Variants in OPRM1 observed in about 807,000 individuals in gnomAD.
The protein encoded by OPRM1 is opioid receptor mu 1.
Under a neutral mutation model 31.8 loss-of-function variants are expected in OPRM1, and 27 were observed. That is an observed-to-expected ratio of 0.85 (90% CI 0.63 to 1.17). OPRM1 has a LOEUF of 1.17. Ranked by LOEUF, OPRM1 falls within the 50% of genes most tolerant of loss-of-function variation. OPRM1 has a pLI of 0.00. For missense variants in OPRM1, 536 were observed against 511.1 expected (o/e 1.05, Z -0.47); for synonymous variants, 196 against 189.9 (o/e 1.03, Z -0.26).
At chr6:154,092,513 G>A (rs17174864) in intron 3 of OPRM1, among the ~76,000 whole-genome samples, 24 of 152,266 alleles carry the variant, frequency 1.6e-4, no homozygotes, top group African/African-American at 4.3e-4. Context: ...AGAGTCAGGC[G>A]TCAGGACTGT....
chr6:154,177,420 C>T (rs1181783826), intron 3 of OPRM1, among the ~76,000 whole-genome samples: 2 of 151,966 alleles, frequency 1.3e-5, no homozygotes, highest in Non-Finnish European at 2.9e-5. Flanking sequence ...AGAATCTACA[C>T]AGAACATAAA....
chr6:154,093,345 G>A (rs200463796), intron 3 of OPRM1: 6 of 1,614,108 alleles, frequency 3.7e-6, no homozygotes, highest in Non-Finnish European at 4.2e-6. Flanking sequence ...ACCACTGCAA[G>A]GACCTCTTGT....
At chr6:154,117,659 GTGACCAGCTACA>G (rs1293188679) in intron 3 of OPRM1, among the ~76,000 whole-genome samples, 2 of 152,156 alleles carry the variant, frequency 1.3e-5, no homozygotes, top group African/African-American at 4.8e-5. Flanking sequence ...AATTGCCTGT[GTGACCAGCTACA>G]GAAATGATCA....
chr6:154,058,585 G>T (rs1465116248), intron 1 of OPRM1, among the ~76,000 whole-genome samples: 1 of 152,086 alleles, frequency 6.6e-6, no homozygotes, highest in African/African-American at 2.4e-5. Context: ...CTTAATCTGG[G>T]CTCATATTCT....
At position 154,124,010 on chromosome 6, in the gene OPRM1, C is replaced by T. The variant is rs545876214; in HGVS notation, c.*5289C>T. Among the ~76,000 whole-genome samples the T allele has an allele frequency of 1.1e-4, 16 of 152,274 alleles. No homozygotes were observed. In the South Asian group the frequency reaches 3.3e-3, roughly 32 times the overall value. On this transcript the variant is annotated 3_prime_UTR_variant, in exon 4 of 4. Transcript: ENST00000330432. ...CAGTAGGTCTCAGCCTTATTTTACC[C>T]AGCCTCTATTCAAGATGGAGTCGCT...
At chr6:154,183,541 C>G (rs576476554) in intron 3 of OPRM1, among the ~76,000 whole-genome samples, 1 of 152,104 alleles carries the variant, frequency 6.6e-6, no homozygotes, top group Admixed American at 6.6e-5. Flanking sequence ...AGGAGAGGTG[C>G]GCTCTATAGA....
rs949750993 is a variant in OPRM1, at chr6:154,119,398, A to G, written c.*677A>G. The G allele has an allele frequency of 1.0e-5, 10 of 985,304 alleles. No individual in the cohort carries two copies. The African/African-American group carries it at 1.7e-4, about 17-fold the overall frequency. 61.0% of individuals were successfully genotyped at this position (985,304 alleles called of 1,614,324 possible). On this transcript the variant is annotated 3_prime_UTR_variant, in exon 4 of 4. Transcript: ENST00000330432. ...GAAAGGTTGATTCTCATGCACTGCAAATACTTCCAAAGAGTCATCATGGGG... is the reference window on the plus strand; with the variant it reads ...GAAAGGTTGATTCTCATGCACTGCAGATACTTCCAAAGAGTCATCATGGGG...
At chr6:154,158,927 T>G (rs1387211586) in intron 3 of OPRM1, 1 of 152,138 alleles carries the variant, frequency 6.6e-6, no homozygotes, top group East Asian at 1.9e-4. Flanking sequence ...TTTTTTTGAG[T>G]AAAGATATTA....
intron 1 of OPRM1, chr6:154,074,487 C>A (rs1418273390): frequency 7.9e-5 from 12 of 152,148 alleles, no homozygotes; most frequent in Non-Finnish European, 1.5e-5. Flanking sequence ...AGGCCAGGCA[C>A]AGTGGCTCAC....
At chr6:154,051,827 G>T (rs545154734) in intron 1 of OPRM1, among the ~76,000 whole-genome samples, 2 of 152,270 alleles carry the variant, frequency 1.3e-5, no homozygotes, top group South Asian at 2.1e-4. Context: ...CCATTACTGG[G>T]TATATACCAG....
rs73790436 is a variant in OPRM1, at chr6:154,124,531, G to A, written c.*5810G>A. ...TAATTCCTAGGAATCGCATACCTAC[G>A]GAAAACAGTCCTCTGACCTCCTGTG... On this transcript the variant is annotated 3_prime_UTR_variant, in exon 4 of 4. Coordinates refer to ENST00000330432, the MANE Select transcript of OPRM1 (RefSeq NM_000914.5). Among the ~76,000 whole-genome samples, 2,284 of 152,216 alleles carry A rather than the reference G, an allele frequency of 0.015. 57 individuals carry two copies. The highest frequency in any genetic ancestry group is 0.053 in the African/African-American group (2,188 of 41,518).
intron 3 of OPRM1, among the ~76,000 whole-genome samples, chr6:154,117,186 G>A (rs2128523371): frequency 6.6e-6 from 1 of 152,332 alleles, no homozygotes; most frequent in East Asian, 1.9e-4. Flanking sequence ...GACCCAGGGA[G>A]TTCACAAATG....
chr6:154,022,836 C>T (rs1778456902), intron 1 of OPRM1, among the ~76,000 whole-genome samples: 1 of 151,834 alleles, frequency 6.6e-6, no homozygotes, highest in African/African-American at 2.4e-5. Context: ...TTCTTGACAC[C>T]TTTGTAAAAA....
At chr6:154,139,335 T>C (rs993910739) in intron 3 of OPRM1, among the ~76,000 whole-genome samples, 1 of 152,110 alleles carries the variant, frequency 6.6e-6, no homozygotes, top group Admixed American at 6.5e-5. Context: ...GTACCAAACA[T>C]TGGAGAGGTC....
At chr6:154,143,826 A>T (rs1391969242) in intron 3 of OPRM1, among the ~76,000 whole-genome samples, 1 of 152,232 alleles carries the variant, frequency 6.6e-6, no homozygotes, top group African/African-American at 2.4e-5. Context: ...CCACACACAC[A>T]CACACACAAA....
chr6:154,047,797 G>T (rs991491957), intron 1 of OPRM1, among the ~76,000 whole-genome samples: 1 of 152,134 alleles, frequency 6.6e-6, no homozygotes, highest in Non-Finnish European at 1.5e-5. Context: ...GTGTGTTCAG[G>T]CTGCTATAAC....
intron 1 of OPRM1, among the ~76,000 whole-genome samples, chr6:154,044,086 ATTC>A (rs1196478538): frequency 6.6e-6 from 1 of 152,058 alleles, no homozygotes; most frequent in Non-Finnish European, 1.5e-5. Context: ...TTACAGAACA[ATTC>A]TTCTCTTAAA....
intron 1 of OPRM1, among the ~76,000 whole-genome samples, chr6:154,047,180 A>G (rs1283124373): frequency 3.9e-5 from 3 of 76,234 alleles, no homozygotes; most frequent in Non-Finnish European, 5.4e-5. Flanking sequence ...CATTCCCCCC[A>G]CCCCCACCCC....
At position 154,229,917 on chromosome 6, in the gene OPRM1, A is replaced by G. The variant is rs1339730622; in HGVS notation, c.1165-16776A>G. Reference sequence around the variant, plus strand: ...GCAAACCAGTGACGCTTGCTGAAACATGGATGAACCCTGAAAACATTCTGC... The same window carrying G: ...GCAAACCAGTGACGCTTGCTGAAACGTGGATGAACCCTGAAAACATTCTGC... On this transcript the variant is annotated intron_variant, in intron 3 of 3. Transcript: ENST00000337049. Among the ~76,000 whole-genome samples the G allele has an allele frequency of 2.6e-5, 4 of 152,256 alleles. No homozygotes were observed. The South Asian group carries it at 6.2e-4, about 24-fold the overall frequency.
Sources: gnomAD v4.1 joint callset for allele counts (sites outside exome capture counted in the v4.1 genomes callset) on GRCh38, gnomAD v4.1.1 for gene constraint, MANE v1.5 for transcripts, NCBI Gene and HGNC (gene_info 2026-07-23, HGNC 2026-07-21) for gene names.